Variants in ABR observed in about 807,000 individuals in gnomAD.
ABR encodes active breakpoint cluster region-related protein.
Under a neutral mutation model 107.2 loss-of-function variants are expected in ABR, and 35 were observed. The observed-to-expected ratio is 0.33, with a 90% CI of 0.25 to 0.43. ABR has a LOEUF of 0.43. Among genes scored for constraint, ABR ranks in the 20% least tolerant of loss-of-function variants. The pLI, the probability that ABR is intolerant of heterozygous loss-of-function variation, is 1.00. For synonymous variants in ABR, 498 were observed against 462.0 expected, an observed-to-expected ratio of 1.08 and a Z score of -1.00; for missense variants, 815 against 1,115.2, an observed-to-expected ratio of 0.73 and a Z score of 3.83.
chr17:1,170,649 T>G (rs1489090473), intron 1 of ABR, among the ~76,000 whole-genome samples: 1 of 152,170 alleles, frequency 6.6e-6, no homozygotes, highest in African/African-American at 2.4e-5. Flanking sequence ...TTGGTCAGGC[T>G]GGTCTCCAAC....
intron 2 of ABR, among the ~76,000 whole-genome samples, chr17:1,114,447 G>A (rs1304841570): frequency 6.9e-6 from 1 of 145,684 alleles, no homozygotes; most frequent in East Asian, 2.0e-4. Flanking sequence ...TCTAGTCTGG[G>A]CGACAGAGCA....
chr17:1,031,591 C>T (rs1489442662), intron 16 of ABR: 7 of 1,223,472 alleles, frequency 5.7e-6, no homozygotes, highest in South Asian at 3.4e-5. Context: ...CCAGCCCCCG[C>T]GGGCACCTTG....
intron 1 of ABR, among the ~76,000 whole-genome samples, chr17:1,217,937 C>A (rs1009686033): frequency 3.3e-5 from 5 of 152,164 alleles, no homozygotes; most frequent in African/African-American, 4.8e-5. Flanking sequence ...TCAGGTGATC[C>A]GCCCGCCTCG....
At chr17:1,099,111 C>T (rs1158638120) in intron 3 of ABR, among the ~76,000 whole-genome samples, 2 of 150,802 alleles carry the variant, frequency 1.3e-5, no homozygotes, top group South Asian at 2.1e-4. Flanking sequence ...ATTTCACTTC[C>T]GTCGTCCAGT....
rs574204491 is a variant in ABR at position 1,004,202 on chromosome 17, G to C, written c.*1878C>G. On this transcript the variant is annotated 3_prime_UTR_variant, in exon 23 of 23. Coordinates refer to ENST00000302538, the MANE Select transcript of ABR (RefSeq NM_021962.5). Reference sequence around the variant, plus strand: ...AGGCAGGGACCTTAGGAAGGGCCAGGCACTGCATCTTTAGACTCAAGTTCA... The same window carrying C: ...AGGCAGGGACCTTAGGAAGGGCCAGCCACTGCATCTTTAGACTCAAGTTCA... 2 of 152,376 alleles carry C rather than the reference G, an allele frequency of 1.3e-5. No homozygotes were observed. The highest frequency in any genetic ancestry group is 4.8e-5 in the African/African-American group (2 of 41,572). 9.4% of individuals were successfully genotyped at this position (152,376 alleles called of 1,614,324 possible).
At chr17:1,057,879 A>T in intron 12 of ABR, 91 bp downstream of exon 12, 1 of 1,198,044 alleles carries the variant, frequency 8.3e-7, no homozygotes, top group Non-Finnish European at 1.2e-6. Flanking sequence ...AGGGCCAAAG[A>T]CGTGATACTG....
chr17:1,006,133 T>TG lies in ABR; in HGVS notation c.2526dup (p.Ile843HisfsTer46), dbSNP rs750897785. On this transcript the variant is annotated frameshift_variant, in exon 23 of 23. Coordinates refer to ENST00000302538, the MANE Select transcript of ABR (RefSeq NM_021962.5). LOFTEE classifies it high-confidence loss of function. ...TTCCGCTTGAGTTCTGCGAAGGAAA[T>TG]GGGGGGGTGCTGCAGGTAGTAGAGG... 1.3e-5 allele frequency: 21 copies of TG among 1,587,868 alleles called. No homozygotes were observed. Among genetic ancestry groups the TG allele is most frequent in the Admixed American group, 3.6e-5 (2 of 56,016 alleles).
At chr17:1,016,386 G>A (rs909143153) in intron 16 of ABR, among the ~76,000 whole-genome samples, 9 of 149,384 alleles carry the variant, frequency 6.0e-5, no homozygotes, top group Admixed American at 3.4e-4. Context: ...GTGCAGTCTC[G>A]GCTCACTGCA....
chr17:1,159,260 G>A (rs372907849), intron 1 of ABR, among the ~76,000 whole-genome samples: 4,943 of 94,670 alleles, frequency 0.052, 200 homozygotes, highest in African/African-American at 0.095. Flanking sequence ...GGGAGAAGTA[G>A]GAATGCGGTA....
At chr17:1,141,278 GC>G (rs1420941745) in intron 1 of ABR, among the ~76,000 whole-genome samples, 1 of 152,068 alleles carries the variant, frequency 6.6e-6, no homozygotes, top group Non-Finnish European at 1.5e-5. Flanking sequence ...CCTTCTCAGG[GC>G]CCCCCATTCT....
chr17:1,166,482 G>A (rs1038091304), intron 1 of ABR, among the ~76,000 whole-genome samples: 7 of 152,212 alleles, frequency 4.6e-5, no homozygotes, highest in Non-Finnish European at 8.8e-5. Context: ...GAGGCTCAGT[G>A]TGGCCGGAGG....
chr17:1,213,973 C>T (rs1387912551), intron 1 of ABR, among the ~76,000 whole-genome samples: 1 of 151,764 alleles, frequency 6.6e-6, no homozygotes, highest in East Asian at 1.9e-4. Context: ...CTGCATCCTC[C>T]GCCTCCCGGG....
chr17:1,085,863 G>A (rs1457989592), intron 4 of ABR, among the ~76,000 whole-genome samples: 1 of 152,064 alleles, frequency 6.6e-6, no homozygotes, highest in Non-Finnish European at 1.5e-5. Context: ...GTGGGTATTA[G>A]GGGCCAGGCG....
intron 1 of ABR, among the ~76,000 whole-genome samples, chr17:1,176,408 C>T (rs1021083484): frequency 1.3e-5 from 2 of 152,232 alleles, no homozygotes; most frequent in African/African-American, 4.8e-5. Flanking sequence ...GGATCCTCCT[C>T]ATTATTCTAG....
chr17:1,081,291 T>C (rs979625138), intron 5 of ABR, among the ~76,000 whole-genome samples: 2 of 152,322 alleles, frequency 1.3e-5, no homozygotes, highest in South Asian at 4.1e-4. Context: ...CCCAGGCCGG[T>C]CTTGAACTCC....
intron 10 of ABR, among the ~76,000 whole-genome samples, chr17:1,062,974 G>C (rs1223184147): frequency 6.9e-6 from 1 of 144,052 alleles, no homozygotes; most frequent in Non-Finnish European, 1.6e-5. Context: ...TATGTGAACT[G>C]AGGGCTATGC....
intron 1 of ABR, among the ~76,000 whole-genome samples, chr17:1,161,086 T>A (rs1354877035): frequency 6.6e-6 from 1 of 151,850 alleles, no homozygotes; most frequent in Non-Finnish European, 1.5e-5. Flanking sequence ...GGCTGGGGTG[T>A]CTGAGTCTCA....
intron 12 of ABR, 158 bp downstream of exon 12, chr17:1,057,812 T>A: frequency 1.6e-6 from 1 of 635,808 alleles, no homozygotes; most frequent in Non-Finnish European, 2.8e-6. Flanking sequence ...TCTTTGGGTC[T>A]CAATTAATCC....
At chr17:1,062,360 C>T (rs1262135016) in intron 10 of ABR, among the ~76,000 whole-genome samples, 7 of 145,826 alleles carry the variant, frequency 4.8e-5, no homozygotes, top group East Asian at 4.1e-4. Context: ...TTCCTCTAGA[C>T]GCTGCTGTTA....
Sources: allele counts gnomAD v4.1 joint callset (sites outside exome capture counted in the v4.1 genomes callset), GRCh38; gene constraint gnomAD v4.1.1; transcripts MANE v1.5; gene names NCBI Gene and HGNC (gene_info 2026-07-23, HGNC 2026-07-21).